PDE4D: variants seen among roughly 807,000 people sequenced by gnomAD.
The protein encoded by PDE4D is phosphodiesterase 4D, also known as 3',5'-cyclic-AMP phosphodiesterase 4D.
Under a neutral mutation model 87.4 loss-of-function variants are expected in PDE4D, and 24 were observed. That is an observed-to-expected ratio of 0.27 (90% CI 0.20 to 0.39). The LOEUF (loss-of-function observed/expected upper bound fraction) is 0.39. PDE4D is among the 10% of genes least tolerant of loss of function. The pLI is 1.00. For synonymous variants in PDE4D, 384 were observed against 383.2 expected, an observed-to-expected ratio of 1.00 and a Z score of -0.02; for missense variants, 714 against 1,041.0, an observed-to-expected ratio of 0.69 and a Z score of 4.32.
At chr5:59,577,702 C>T (rs1253091827) in intron 1 of PDE4D, among the ~76,000 whole-genome samples, 1 of 152,068 alleles carries the variant, frequency 6.6e-6, no homozygotes. Context: ...GTGGTGAGCA[C>T]TGAATGCTGA....
chr5:60,240,542 G>A (rs1170190730), intron 1 of PDE4D, among the ~76,000 whole-genome samples: 1 of 152,040 alleles, frequency 6.6e-6, no homozygotes, highest in Non-Finnish European at 1.5e-5. Flanking sequence ...GGTATCTAGG[G>A]CCTTGCCAGA....
At chr5:60,387,455 T>C (rs748862178) in intron 1 of PDE4D, among the ~76,000 whole-genome samples, 2 of 152,158 alleles carry the variant, frequency 1.3e-5, no homozygotes, top group Non-Finnish European at 2.9e-5. Context: ...CTGATACCAA[T>C]CTTTGCGTGT....
At chr5:60,511,774 T>G (rs916719810) in intron 1 of PDE4D, among the ~76,000 whole-genome samples, 5 of 151,986 alleles carry the variant, frequency 3.3e-5, no homozygotes, top group African/African-American at 7.2e-5. Context: ...CACATTATAT[T>G]GTAGTGCATT....
intron 1 of PDE4D, among the ~76,000 whole-genome samples, chr5:59,615,774 G>A (rs1189433204): frequency 6.6e-6 from 1 of 152,060 alleles, no homozygotes; most frequent in Non-Finnish European, 1.5e-5. Flanking sequence ...TCTTTATACT[G>A]CCTACCTTAC....
intron 2 of PDE4D, chr5:60,147,703 G>A: frequency 2.2e-6 from 1 of 447,710 alleles, no homozygotes; most frequent in Non-Finnish European, 4.5e-6. Context: ...TGCTGCTACT[G>A]CAAGTCTCAA....
At chr5:59,263,405 T>C (rs954963094) in intron 1 of PDE4D, among the ~76,000 whole-genome samples, 4 of 151,940 alleles carry the variant, frequency 2.6e-5, no homozygotes, top group Non-Finnish European at 5.9e-5. Context: ...AAGAGAGTTT[T>C]AATTCTAATT....
At chr5:60,460,744 C>A in intron 1 of PDE4D, 1 of 676,452 alleles carries the variant, frequency 1.5e-6, no homozygotes, top group Non-Finnish European at 2.6e-6. Flanking sequence ...GGCCATGCTG[C>A]TAGGGAAGTC....
At chr5:60,273,570 G>T (rs1751037560) in intron 1 of PDE4D, among the ~76,000 whole-genome samples, 1 of 152,194 alleles carries the variant, frequency 6.6e-6, no homozygotes, top group African/African-American at 2.4e-5. Context: ...TAAAGGCAGG[G>T]AAATTAGTTA....
At chr5:59,612,290 T>G (rs1347289115) in intron 1 of PDE4D, among the ~76,000 whole-genome samples, 2 of 127,464 alleles carry the variant, frequency 1.6e-5, no homozygotes, top group African/African-American at 2.9e-5. Flanking sequence ...TTGTTCAATC[T>G]TTTAAAAATG....
intron 1 of PDE4D, among the ~76,000 whole-genome samples, chr5:59,618,520 A>C (rs1304124056): frequency 3.3e-5 from 5 of 152,140 alleles, no homozygotes; most frequent in African/African-American, 4.8e-5. Flanking sequence ...CTCTATTCTG[A>C]AAGCAACAGA....
intron 1 of PDE4D, among the ~76,000 whole-genome samples, chr5:59,812,568 G>A (rs1051097728): frequency 2.8e-4 from 42 of 152,224 alleles, no homozygotes; most frequent in Non-Finnish European, 5.9e-4. Context: ...AGCTACTTGG[G>A]AGGCTGAGGC....
rs1327051176 is a variant in PDE4D at position 59,430,191 on chromosome 5, C to G, written c.456-214223G>C. 4 of 1,070,488 alleles carry G rather than the reference C, an allele frequency of 3.7e-6. No homozygotes were observed. The African/African-American group carries it at 4.9e-5, about 13-fold the overall frequency. 66.3% of individuals were successfully genotyped at this position (1,070,488 alleles called of 1,614,324 possible). A position where few individuals can be genotyped will look rare whatever the true frequency, so the allele number is the denominator to read the frequency against. On this transcript the variant is annotated intron_variant, in intron 1 of 14. Coordinates refer to ENST00000340635, the MANE Select transcript of PDE4D (RefSeq NM_001104631.2). ...CAGTGTGTTGAATAAAAACTAACTT[C>G]TCACCCTGACCCTCCCATTTCAGCA...
chr5:59,963,426 T>C (rs1759690733), intron 3 of PDE4D, among the ~76,000 whole-genome samples: 1 of 152,136 alleles, frequency 6.6e-6, no homozygotes, highest in Admixed American at 6.6e-5. Context: ...TGCTCGCCCA[T>C]GCACAAAACA....
intron 1 of PDE4D, among the ~76,000 whole-genome samples, chr5:60,500,003 T>C (rs950988556): frequency 6.6e-6 from 1 of 152,122 alleles, no homozygotes; most frequent in Non-Finnish European, 1.5e-5. Flanking sequence ...TCTCCAAATA[T>C]GATCAAAAAG....
At chr5:59,144,339 A>G (rs1324760497) in intron 5 of PDE4D, among the ~76,000 whole-genome samples, 4 of 152,200 alleles carry the variant, frequency 2.6e-5, no homozygotes, top group Non-Finnish European at 4.4e-5. Flanking sequence ...ACTGATGATC[A>G]GTGAGATCCT....
At chr5:59,671,069 T>C (rs1473953636) in intron 1 of PDE4D, among the ~76,000 whole-genome samples, 2 of 152,208 alleles carry the variant, frequency 1.3e-5, no homozygotes, top group East Asian at 1.9e-4. Context: ...TAGAGTAGAA[T>C]GAGATATGAG....
At chr5:60,432,981 A>T (rs1002296300) in intron 1 of PDE4D, among the ~76,000 whole-genome samples, 3 of 152,226 alleles carry the variant, frequency 2.0e-5, no homozygotes, top group Non-Finnish European at 2.9e-5. Flanking sequence ...AAAACCATTG[A>T]AGAAAACCTA....
At chr5:59,306,318 T>G (rs1291798792) in intron 1 of PDE4D, among the ~76,000 whole-genome samples, 1 of 152,138 alleles carries the variant, frequency 6.6e-6, no homozygotes. Context: ...CAGCAGATAG[T>G]TGGTTGGTGA....
chr5:60,350,566 G>T (rs1759094245), intron 1 of PDE4D, among the ~76,000 whole-genome samples: 1 of 152,122 alleles, frequency 6.6e-6, no homozygotes, highest in South Asian at 2.1e-4. Context: ...CAAGATATCA[G>T]AAATGCGTCG....
Sources: allele counts gnomAD v4.1 joint callset (sites outside exome capture counted in the v4.1 genomes callset), GRCh38; gene constraint gnomAD v4.1.1; transcripts MANE v1.5; gene names NCBI Gene and HGNC (gene_info 2026-07-23, HGNC 2026-07-21).